Variants in ABI3BP observed in about 807,000 individuals in gnomAD.
The protein encoded by ABI3BP is ABI family member 3 binding protein, also known as target of Nesh-SH3.
In ABI3BP, 216 loss-of-function variants were observed where a neutral mutation model predicts 268.6. The ratio of observed to expected loss-of-function variants is 0.80; its 90% CI spans 0.72 to 0.90. ABI3BP has a LOEUF of 0.90. Ranked by LOEUF, ABI3BP falls within the 40% of genes least tolerant of loss-of-function variation. The pLI, the probability that ABI3BP is intolerant of heterozygous loss-of-function variation, is 0.00. For synonymous variants in ABI3BP, 730 were observed against 730.0 expected (o/e 1.00, Z 0.00); for missense variants, 2,090 against 2,182.4 (o/e 0.96, Z 0.84).
chr3:100,769,883 T>C lies in ABI3BP; in HGVS notation c.4741+860A>G, dbSNP rs114653023. 3.4e-3 allele frequency among the ~76,000 whole-genome samples: 519 copies of C among 152,314 alleles called. 5 individuals carry two copies. Among genetic ancestry groups the C allele is most frequent in the Non-Finnish European group, 5.0e-3 (339 of 68,032 alleles). On this transcript the variant is annotated intron_variant, in intron 62 of 67. Coordinates refer to ENST00000471714, the MANE Select transcript of ABI3BP (RefSeq NM_001375547.2). ...TAAGATAAGCCGCTTACACTGGAAG[T>C]TGCCCAGATCCAATGGTTCTGTCTG...
intron 65 of ABI3BP, among the ~76,000 whole-genome samples, chr3:100,753,435 A>G (rs544460319): frequency 6.6e-6 from 1 of 151,792 alleles, no homozygotes; most frequent in South Asian, 2.1e-4. Context: ...ACAGGTGTGC[A>G]TCATCATGCC....
At chr3:100,930,513 G>A (rs776493088) in intron 1 of ABI3BP, among the ~76,000 whole-genome samples, 4 of 151,952 alleles carry the variant, frequency 2.6e-5, no homozygotes, top group Non-Finnish European at 5.9e-5. Flanking sequence ...TGACAAAGGT[G>A]ACACTACCAC....
intron 2 of ABI3BP, among the ~76,000 whole-genome samples, chr3:100,918,281 C>T (rs992641947): frequency 4.7e-5 from 7 of 148,948 alleles, no homozygotes; most frequent in Non-Finnish European, 1.1e-4. Flanking sequence ...TTCATCCACC[C>T]GTCCACCCAT....
chr3:100,805,105 G>A (rs1354375), intron 50 of ABI3BP, among the ~76,000 whole-genome samples: 13,769 of 152,068 alleles, frequency 0.091, 953 homozygotes, highest in African/African-American at 0.19. Flanking sequence ...ATTACAAAGC[G>A]TCAGAGTAAG....
chr3:100,800,165 A>T (rs2097485938), intron 51 of ABI3BP, among the ~76,000 whole-genome samples: 1 of 151,210 alleles, frequency 6.6e-6, no homozygotes, highest in South Asian at 2.1e-4. Flanking sequence ...TCTCAGACTT[A>T]TCTTTCTAGA....
chr3:100,892,969 G>T (rs1431906164), intron 4 of ABI3BP, among the ~76,000 whole-genome samples: 1 of 152,172 alleles, frequency 6.6e-6, no homozygotes. Flanking sequence ...GTCTGTGAGG[G>T]TGTTGCCAAA....
intron 57 of ABI3BP, among the ~76,000 whole-genome samples, chr3:100,781,245 G>A (rs1219543917): frequency 6.6e-6 from 1 of 152,126 alleles, no homozygotes; most frequent in Admixed American, 6.6e-5. Flanking sequence ...CATTTAATGT[G>A]TGGGCAGATA....
intron 62 of ABI3BP, among the ~76,000 whole-genome samples, chr3:100,766,179 T>A (rs1232282527): frequency 6.6e-6 from 1 of 152,224 alleles, no homozygotes; most frequent in East Asian, 1.9e-4. Flanking sequence ...GCATTTCCTT[T>A]ACCAGAGGCA....
chr3:100,918,610 A>G (rs1056460229), intron 2 of ABI3BP, among the ~76,000 whole-genome samples: 2 of 152,078 alleles, frequency 1.3e-5, no homozygotes, highest in African/African-American at 4.8e-5. Context: ...TACAGTAGAT[A>G]AAGTAGGACT....
chr3:100,792,543 AGATTTGGCT>A lies in ABI3BP; in HGVS notation c.4024+139_4024+147del. On this transcript the variant is annotated intron_variant, in intron 55 of 67. Coordinates refer to ENST00000471714, the MANE Select transcript of ABI3BP (RefSeq NM_001375547.2). ...TCAATTGATATTCATATGAGTATTC[AGATTTGGCT>A]GATTTCTTTCACCTATAAAATGACA... The A allele has an allele frequency of 4.1e-6, 3 of 726,788 alleles. No individual in the cohort carries two copies. The South Asian group carries it at 5.5e-5, about 13-fold the overall frequency. 45.0% of individuals were successfully genotyped at this position (726,788 alleles called of 1,614,324 possible).
chr3:100,985,245 G>A (rs375999299), intron 1 of ABI3BP, among the ~76,000 whole-genome samples: 2 of 150,278 alleles, frequency 1.3e-5, no homozygotes, highest in African/African-American at 4.9e-5. Context: ...TGCCTCCCGG[G>A]TTCAAGCGAT....
In ABI3BP at chr3:100,828,403, C is replaced by T. The variant is rs2098426321; in HGVS notation, c.2592G>A (p.Gly864=). 2 of 1,535,026 alleles carry T rather than the reference C, an allele frequency of 1.3e-6. No homozygotes were observed. The highest frequency in any genetic ancestry group is 1.4e-5 in the African/African-American group (1 of 72,964). Residue 864 remains glycine (G), a synonymous_variant, in exon 34 of 68, where the codon GGG becomes GGA. Coordinates refer to ENST00000471714, the MANE Select transcript of ABI3BP (RefSeq NM_001375547.2). The part of the protein sequence containing the change: ...EPVSPIKEAP[G]TTFVPVTDLE... ...AAAAAGTGGCATTACCGAATGTTGT[C>T]CCTGGAGCCTCTTTTATAGGAGAAA... is the stretch of plus-strand genomic sequence containing the variant.
intron 1 of ABI3BP, among the ~76,000 whole-genome samples, chr3:100,946,620 C>A (rs984065496): frequency 2.6e-5 from 4 of 151,720 alleles, no homozygotes; most frequent in African/African-American, 9.7e-5. Context: ...GAAACCCTAT[C>A]TCTACTAAAA....
At chr3:100,878,266 A>G (rs1400989718) in intron 6 of ABI3BP, among the ~76,000 whole-genome samples, 1 of 152,204 alleles carries the variant, frequency 6.6e-6, no homozygotes, top group Non-Finnish European at 1.5e-5. Context: ...AGTATAACAC[A>G]ATTTTATAAA....
rs181393199 is a variant in ABI3BP at position 100,833,259 on chromosome 3, G to A, written c.2282-102C>T. 899 of 1,102,256 alleles carry A rather than the reference G, an allele frequency of 8.2e-4. 5 individuals are homozygous for A. In the African/African-American group the frequency reaches 0.012, roughly 15 times the overall value. The allele number at this position is 1,102,256 out of a possible 1,614,324, so 68.3% of individuals were successfully genotyped here. A position where few individuals can be genotyped will look rare whatever the true frequency, so the allele number is the denominator to read the frequency against. ...GAAAAGTGAACTTTACCATTATAGC[G>A]TTGGTTCTATAGCCACAAAGCAAAC... On this transcript the variant is annotated intron_variant, in intron 29 of 67. Coordinates refer to ENST00000471714, the MANE Select transcript of ABI3BP (RefSeq NM_001375547.2).
chr3:100,956,783 A>C (rs1325019176), intron 1 of ABI3BP, among the ~76,000 whole-genome samples: 1 of 152,242 alleles, frequency 6.6e-6, no homozygotes, highest in East Asian at 1.9e-4. Flanking sequence ...GAAGGGAAAC[A>C]GATCATGATA....
chr3:100,799,909 G>A (rs950593961), intron 51 of ABI3BP, among the ~76,000 whole-genome samples: 4 of 152,030 alleles, frequency 2.6e-5, no homozygotes, highest in Non-Finnish European at 5.9e-5. Context: ...ATCAGTTAGG[G>A]TCTTCCCACT....
At position 100,787,774 on chromosome 3, in the gene ABI3BP, A is replaced by AGTAGGTCTT; in HGVS notation, c.4107_4115dup (p.Thr1372_Pro1374dup). On this transcript the variant is annotated inframe_insertion, in exon 57 of 68. Coordinates refer to ENST00000471714, the MANE Select transcript of ABI3BP (RefSeq NM_001375547.2). ...TGGGCATCCCACTGGGTTTGGGCCT[A>AGTAGGTCTT]GTAGGTCTTGTAGTTGTCCTATTCA... 1 of 1,532,362 alleles carries AGTAGGTCTT rather than the reference A, an allele frequency of 6.5e-7. No individual in the cohort carries two copies. Among genetic ancestry groups the AGTAGGTCTT allele is most frequent in the South Asian group, 1.2e-5 (1 of 83,542 alleles). 94.9% of individuals were successfully genotyped at this position (1,532,362 alleles called of 1,614,324 possible). A position where few individuals can be genotyped will look rare whatever the true frequency, so the allele number is the denominator to read the frequency against.
At chr3:100,827,115 A>G (rs1235090504) in intron 34 of ABI3BP, among the ~76,000 whole-genome samples, 1 of 152,082 alleles carries the variant, frequency 6.6e-6, no homozygotes, top group East Asian at 1.9e-4. Context: ...TTACTTTAAG[A>G]CCCTACAATA....
Sources: allele counts gnomAD v4.1 joint callset (sites outside exome capture counted in the v4.1 genomes callset), GRCh38; gene constraint gnomAD v4.1.1; transcripts MANE v1.5; gene names NCBI Gene and HGNC (gene_info 2026-07-23, HGNC 2026-07-21).